The following SLC30A6 variants were observed in gnomAD, a reference collection of about 807,000 sequenced individuals.
SLC30A6 encodes the protein solute carrier family 30 member 6.
SLC30A6 carries 55 observed loss-of-function variants against 63.0 expected under a neutral mutation model. The ratio of observed to expected loss-of-function variants is 0.87; its 90% confidence interval spans 0.70 to 1.09. The LOEUF is 1.09. SLC30A6 is among the 50% of genes least tolerant of loss of function. The pLI is 0.00. For synonymous variants in SLC30A6, 224 were observed against 186.1 expected (o/e 1.20, Z -1.66); for missense variants, 587 against 549.2 (o/e 1.07, Z -0.69).
Position 32,205,659 on chromosome 2 carries a change from C to CTTTTTTTTTTTTTTTTTTTTTTT in SLC30A6, c.768+969_768+970insTTTTTTTTTTTTTTTTTTTTTTT, listed in dbSNP as rs1478767845. Among the ~76,000 whole-genome samples, 4 of 97,702 alleles carry CTTTTTTTTTTTTTTTTTTTTTTT rather than the reference C, an allele frequency of 4.1e-5. 1 individual carries two copies. The highest frequency in any genetic ancestry group is 3.9e-5 in the African/African-American group (1 of 25,332). The allele number at this position is 97,702 out of a possible 152,430, so 64.1% of individuals were successfully genotyped here. A position where few individuals can be genotyped will look rare whatever the true frequency, so the allele number is the denominator to read the frequency against. On this transcript the variant is annotated intron_variant, in intron 11 of 13. Transcript: ENST00000282587. ...TATTTTTCAAGTGAAAAGAATGTTA[C>CTTTTTTTTTTTTTTTTTTTTTTT]TTCTTTTTTTTTTTTTTTTTTTTTT...
In SLC30A6 at chr2:32,220,513, G is replaced by A. The variant is rs1306531341; in HGVS notation, c.1186G>A (p.Val396Met). 6.2e-7 allele frequency: 1 copy of A among 1,614,078 alleles called. No individual in the cohort carries two copies. The highest frequency in any genetic ancestry group is 8.5e-7 in the Non-Finnish European group (1 of 1,180,046). ...TTCATTTAACACTCCTGGGAAAAATGTGAACCCAGTTATTCTTCTAAACAC... is the reference window on the plus strand; with the variant it reads ...TTCATTTAACACTCCTGGGAAAAATATGAACCCAGTTATTCTTCTAAACAC... ...EFSFNTPGKN[V>M]NPVILLNTQT... Residue 396 changes from valine to methionine, a missense_variant, in exon 14 of 14, where the codon GTG (valine) becomes ATG (methionine). Physicochemically the swap from Val to Met is conservative, Grantham distance 21. Transcript: ENST00000282587.
At chr2:32,195,217 G>C (rs570548039) in intron 8 of SLC30A6, among the ~76,000 whole-genome samples, 1 of 149,410 alleles carries the variant, frequency 6.7e-6, no homozygotes, top group South Asian at 2.1e-4. Flanking sequence ...ACAGGAATGT[G>C]CCACCATGCC....
chr2:32,194,029 C>A (rs778415019), intron 8 of SLC30A6, 46 bp downstream of exon 8: 13 of 1,475,774 alleles, frequency 8.8e-6, no homozygotes, highest in African/African-American at 4.2e-5. Flanking sequence ...ACTAATCTCT[C>A]ATAAAAACAA....
chr2:32,220,660 A>C lies in SLC30A6; in HGVS notation c.1333A>C (p.Asn445His). ...ATQGLRTGFT[N>H]IPSRYGTNNR... ...TCAAGGATTGAGGACTGGTTTTACA[A>C]ATATACCAAGTAGATATGGAACTAA... The change falls in exon 14 of 14, where the codon AAT becomes CAT. Residue 445 changes from asparagine (N) to histidine (H), a missense_variant. By Grantham distance (68) the Asn-to-His change is moderately conservative. Coordinates refer to ENST00000282587, the MANE Select transcript of SLC30A6 (RefSeq NM_017964.5). 1 of 1,614,072 alleles carries C rather than the reference A, an allele frequency of 6.2e-7. No individual in the cohort carries two copies. The highest frequency in any genetic ancestry group is 2.2e-5 in the East Asian group (1 of 44,878).
chr2:32,182,858 G>C (rs1264440467), intron 4 of SLC30A6, among the ~76,000 whole-genome samples: 1 of 152,112 alleles, frequency 6.6e-6, no homozygotes, highest in Non-Finnish European at 1.5e-5. Flanking sequence ...CTGTGGATGA[G>C]TCAGCTGTGG....
At position 32,204,687 on chromosome 2, in the gene SLC30A6, C is replaced by T. The variant is rs753744447; in HGVS notation, c.763C>T (p.Leu255Phe). Reference sequence around the variant, plus strand: ...GAGTGTGTACAGTGGGAAAGTCTTACTCCAGGTAAGGTGCTTCTTCCAATG... The same window carrying T: ...GAGTGTGTACAGTGGGAAAGTCTTATTCCAGGTAAGGTGCTTCTTCCAATG... ...PMSVYSGKVL[L>F]QTTPPHVIGQ... Residue 255 changes from leucine to phenylalanine, a missense_variant, in exon 11 of 14, where the codon CTC (leucine) becomes TTC (phenylalanine). Leu to Phe is a conservative substitution (Grantham distance 22). Transcript: ENST00000282587. 7.5e-6 allele frequency: 12 copies of T among 1,596,968 alleles called. No homozygotes were observed. Among genetic ancestry groups the T allele is most frequent in the Admixed American group, 1.7e-5 (1 of 59,838 alleles).
chr2:32,202,058 C>G, intron 10 of SLC30A6: 2 of 901,322 alleles, frequency 2.2e-6, no homozygotes, highest in Non-Finnish European at 3.4e-6. Context: ...TTAGATAGTT[C>G]TACTCATGAA....
intron 10 of SLC30A6, among the ~76,000 whole-genome samples, chr2:32,199,097 G>T (rs1220679588): frequency 1.3e-5 from 2 of 152,076 alleles, no homozygotes; most frequent in African/African-American, 4.8e-5. Context: ...TTGTTCTTTT[G>T]TGTCTGCTTA....
intron 10 of SLC30A6, chr2:32,203,369 A>T: frequency 9.8e-7 from 1 of 1,022,220 alleles, no homozygotes; most frequent in Non-Finnish European, 1.6e-6. Context: ...GGATTTAGTT[A>T]AATCTAAAAG....
intron 12 of SLC30A6, among the ~76,000 whole-genome samples, chr2:32,207,344 G>A (rs929419538): frequency 5.9e-5 from 9 of 151,828 alleles, no homozygotes; most frequent in African/African-American, 2.2e-4. Flanking sequence ...CTGAGTAGGT[G>A]AGACTACAGG....
At chr2:32,202,454 C>T in intron 10 of SLC30A6, 1 of 260,256 alleles carries the variant, frequency 3.8e-6, no homozygotes, top group South Asian at 4.5e-5. Context: ...CTCAGCCTCC[C>T]AAGTAGCTGG....
At chr2:32,173,488 C>T (rs535302220) in intron 2 of SLC30A6, among the ~76,000 whole-genome samples, 2 of 152,120 alleles carry the variant, frequency 1.3e-5, no homozygotes, top group East Asian at 3.9e-4. Flanking sequence ...ATTCTCCTGC[C>T]TCAGCCTCCC....
At chr2:32,190,339 A>G (rs1683215771) in intron 5 of SLC30A6, among the ~76,000 whole-genome samples, 1 of 151,842 alleles carries the variant, frequency 6.6e-6, no homozygotes, top group Non-Finnish European at 1.5e-5. Context: ...GGTGCCTGTA[A>G]TCCCAGCTAC....
At chr2:32,180,036 C>A (rs561049533) in intron 4 of SLC30A6, among the ~76,000 whole-genome samples, 1 of 152,122 alleles carries the variant, frequency 6.6e-6, no homozygotes, top group South Asian at 2.1e-4. Context: ...GGCAGGAGGA[C>A]ATTTGAGCCC....
intron 13 of SLC30A6, among the ~76,000 whole-genome samples, chr2:32,210,558 G>T (rs1573409275): frequency 7.0e-6 from 1 of 143,546 alleles, no homozygotes; most frequent in African/African-American, 2.6e-5. Flanking sequence ...ATGAGATCAT[G>T]CTGTTTTATA....
intron 5 of SLC30A6, 152 bp from the exon 6 acceptor site, chr2:32,192,184 A>G (rs1335684358): frequency 7.3e-6 from 4 of 547,956 alleles, no homozygotes; most frequent in East Asian, 3.1e-5. Context: ...TTATTATTCT[A>G]GAAACCCTAA....
In SLC30A6 at chr2:32,202,851, T is replaced by G. The variant is rs994348729; in HGVS notation, c.666-1739T>G. 8 of 880,810 alleles carry G rather than the reference T, an allele frequency of 9.1e-6. No homozygotes were observed. In the African/African-American group the frequency reaches 1.3e-4, roughly 15 times the overall value. 54.6% of individuals were successfully genotyped at this position (880,810 alleles called of 1,614,324 possible). On this transcript the variant is annotated intron_variant, in intron 10 of 13. Coordinates refer to ENST00000282587, the MANE Select transcript of SLC30A6 (RefSeq NM_017964.5). ...ATCCAGATACGAACAGATTGATGTT[T>G]TTGGAAAAATGACTCAAAAGGCTGC...
At position 32,197,865 on chromosome 2, in the gene SLC30A6, C is replaced by G. The variant is rs202221951; in HGVS notation, c.665+39C>G. 831 of 1,608,182 alleles carry G rather than the reference C, an allele frequency of 5.2e-4. 8 individuals are homozygous for G. The highest frequency in any genetic ancestry group is 8.2e-5 in the Non-Finnish European group (97 of 1,177,306). ...ATTGTTGTCAAGTATGTTTTGATTT[C>G]TGGGGACTTACTTTTAAGGGCATCA... On this transcript the variant is annotated intron_variant, in intron 10 of 13. Transcript: ENST00000282587.
At chr2:32,210,261 C>G (rs1423438665) in intron 13 of SLC30A6, among the ~76,000 whole-genome samples, 3 of 151,792 alleles carry the variant, frequency 2.0e-5, no homozygotes, top group African/African-American at 7.3e-5. Flanking sequence ...CCTGTAATAC[C>G]AGCACTTTGG....
Sources: gnomAD v4.1 joint callset for allele counts (sites outside exome capture counted in the v4.1 genomes callset) on GRCh38, gnomAD v4.1.1 for gene constraint, MANE v1.5 for transcripts, NCBI Gene and HGNC (gene_info 2026-07-23, HGNC 2026-07-21) for gene names.